The following PRKN variants were observed in gnomAD, a reference collection of about 807,000 sequenced individuals.
PRKN encodes the protein E3 ubiquitin-protein ligase parkin.
In PRKN, 56 loss-of-function variants were observed where a neutral mutation model predicts 59.5. The ratio of observed to expected loss-of-function variants is 0.94; its 90% CI spans 0.76 to 1.18. PRKN has a LOEUF of 1.18. Ranked by LOEUF, PRKN falls within the 50% of genes most tolerant of loss-of-function variation. PRKN has a pLI of 0.00. For missense variants in PRKN, 657 were observed against 596.4 expected (o/e 1.10, Z -1.06); for synonymous variants, 250 against 222.1 (o/e 1.13, Z -1.12).
intron 2 of PRKN, among the ~76,000 whole-genome samples, chr6:162,423,231 T>C (rs550333114): frequency 2.6e-5 from 4 of 152,278 alleles, no homozygotes; most frequent in African/African-American, 7.2e-5. Context: ...GCTTTATATA[T>C]GTACACATCA....
chr6:162,659,265 C>T (rs764113278), intron 1 of PRKN, among the ~76,000 whole-genome samples: 1 of 152,030 alleles, frequency 6.6e-6, no homozygotes, highest in Non-Finnish European at 1.5e-5. Flanking sequence ...TGGCCAACTT[C>T]CAGCTTTGGA....
At chr6:162,268,668 A>T (rs1027564796) in intron 2 of PRKN, among the ~76,000 whole-genome samples, 1 of 152,162 alleles carries the variant, frequency 6.6e-6, no homozygotes, top group African/African-American at 2.4e-5. Context: ...AGCCACAGAG[A>T]AGTTCACGAT....
chr6:162,253,670 T>A (rs1292387604), intron 3 of PRKN, among the ~76,000 whole-genome samples: 2 of 152,112 alleles, frequency 1.3e-5, no homozygotes, highest in African/African-American at 2.4e-5. Flanking sequence ...AAGATTGTAT[T>A]CATTTGTTAA....
At chr6:161,611,273 T>C (rs1164560256) in intron 7 of PRKN, among the ~76,000 whole-genome samples, 1 of 152,306 alleles carries the variant, frequency 6.6e-6, no homozygotes, top group East Asian at 1.9e-4. Flanking sequence ...AATCTGTGGG[T>C]CTAGAACTTA....
intron 9 of PRKN, among the ~76,000 whole-genome samples, chr6:161,543,232 C>T (rs989972742): frequency 6.6e-6 from 1 of 152,146 alleles, no homozygotes; most frequent in Non-Finnish European, 1.5e-5. Context: ...ACTAAAACCT[C>T]CAACAGTATT....
chr6:162,389,340 G>C (rs1787041992), intron 2 of PRKN, among the ~76,000 whole-genome samples: 1 of 152,074 alleles, frequency 6.6e-6, no homozygotes, highest in African/African-American at 2.4e-5. Context: ...TCTTCCCTAG[G>C]TAATGATTGC....
intron 5 of PRKN, among the ~76,000 whole-genome samples, chr6:162,004,615 G>A (rs763015341): frequency 1.1e-3 from 175 of 152,270 alleles, no homozygotes; most frequent in Non-Finnish European, 2.2e-3. Context: ...TAAACATAAT[G>A]ATAGCACTGA....
At chr6:162,050,535 A>C (rs1222515532) in intron 5 of PRKN, among the ~76,000 whole-genome samples, 2 of 151,456 alleles carry the variant, frequency 1.3e-5, no homozygotes, top group Non-Finnish European at 2.9e-5. Flanking sequence ...GAATGGTTAT[A>C]CTAGACAATG....
Position 161,551,451 on chromosome 6 carries a change from A to G in PRKN, c.934-2448T>C, listed in dbSNP as rs1583218426. Among the ~76,000 whole-genome samples the G allele has an allele frequency of 6.6e-6, 1 of 152,162 alleles. No homozygotes were observed. Among genetic ancestry groups the G allele is most frequent in the African/African-American group, 2.4e-5 (1 of 41,436 alleles). The stretch of plus-strand genomic sequence containing the variant: ...ACCTCTGCAGGGAAGGTGAGAAAAC[A>G]CCAGCAAAGGAGACTAAGGAGCAGC... On this transcript the variant is annotated intron_variant, in intron 8 of 11. Transcript: ENST00000366898. This position sits in a 1 kb window ranked among gnomAD's most constrained non-coding sequence, Gnocchi z 5.2.
chr6:162,050,158 T>C (rs1007146744), intron 5 of PRKN, among the ~76,000 whole-genome samples: 1 of 152,192 alleles, frequency 6.6e-6, no homozygotes, highest in Admixed American at 6.5e-5. Context: ...TTAGTAATGT[T>C]TCCACCCTCT....
intron 4 of PRKN, among the ~76,000 whole-genome samples, chr6:162,179,240 G>A (rs192418239): frequency 7.9e-4 from 121 of 152,276 alleles, no homozygotes; most frequent in Non-Finnish European, 2.5e-4. Flanking sequence ...TACCACACAT[G>A]TTCTATTTGA....
chr6:162,291,617 A>G (rs1470972171), intron 2 of PRKN, among the ~76,000 whole-genome samples: 1 of 152,186 alleles, frequency 6.6e-6, no homozygotes, highest in African/African-American at 2.4e-5. Flanking sequence ...AGGATTCTTG[A>G]GCCAAACATG....
chr6:162,235,946 G>GAAGGAAGGAAGA (rs1562602137), intron 3 of PRKN, among the ~76,000 whole-genome samples: 27 of 80,776 alleles, frequency 3.3e-4, no homozygotes, highest in African/African-American at 1.4e-3. Flanking sequence ...AGGAAGGAAG[G>GAAGGAAGGAAGA]AAGGAAGAAA....
intron 6 of PRKN, among the ~76,000 whole-genome samples, chr6:161,889,331 G>A (rs9355949): frequency 0.25 from 38,193 of 151,970 alleles, 5,671 homozygotes; most frequent in East Asian, 0.44. Context: ...AGCTCCAATC[G>A]CAACTGCCAA....
intron 1 of PRKN, among the ~76,000 whole-genome samples, chr6:162,560,704 T>G (rs917859551): frequency 7.2e-5 from 11 of 152,016 alleles, no homozygotes; most frequent in Non-Finnish European, 2.9e-5. Flanking sequence ...CAGATTGTGT[T>G]AACAAATTTG....
intron 1 of PRKN, among the ~76,000 whole-genome samples, chr6:162,528,146 C>A (rs984778078): frequency 9.2e-5 from 14 of 151,892 alleles, no homozygotes; most frequent in African/African-American, 3.4e-4. Context: ...CACGGTGAAA[C>A]CCTGTTTCTA....
intron 6 of PRKN, among the ~76,000 whole-genome samples, chr6:161,957,203 T>C (rs1780201396): frequency 1.3e-5 from 2 of 152,182 alleles, no homozygotes; most frequent in Admixed American, 6.5e-5. Flanking sequence ...TGAATGACAT[T>C]TGACAGTTTC....
At chr6:161,862,183 T>C (rs1224882290) in intron 6 of PRKN, among the ~76,000 whole-genome samples, 1 of 152,198 alleles carries the variant, frequency 6.6e-6, no homozygotes, top group Non-Finnish European at 1.5e-5. Flanking sequence ...TATGGTCATA[T>C]TCACAGGTTC....
At chr6:162,409,133 C>T (rs1788220894) in intron 2 of PRKN, among the ~76,000 whole-genome samples, 1 of 151,930 alleles carries the variant, frequency 6.6e-6, no homozygotes, top group African/African-American at 2.4e-5. Flanking sequence ...TTCCTTTCTT[C>T]TGGGAATAGT....
Sources: gnomAD v4.1 joint callset for allele counts (sites outside exome capture counted in the v4.1 genomes callset) on GRCh38, gnomAD v4.1.1 for gene constraint, Gnocchi (gnomAD v3.1) non-coding constraint, MANE v1.5 for transcripts, NCBI Gene and HGNC (gene_info 2026-07-23, HGNC 2026-07-21) for gene names.